The following TMEM267 variants were observed in gnomAD, a reference collection of about 807,000 sequenced individuals.
TMEM267 encodes the protein transmembrane protein C5orf28.
Under a neutral mutation model 19.3 loss-of-function variants are expected in TMEM267, and 20 were observed. The ratio of observed to expected loss-of-function variants is 1.04; its 90% CI spans 0.73 to 1.51. The LOEUF (loss-of-function observed/expected upper bound fraction) is 1.51. Ranked by LOEUF, TMEM267 falls within the 40% of genes most tolerant of loss-of-function variation. The probability of loss-of-function intolerance (pLI) is 0.00; values close to 1 mark genes in which losing one functional copy is unlikely to be tolerated. For synonymous variants in TMEM267, 88 were observed against 90.3 expected (o/e 0.97, Z 0.15); for missense variants, 242 against 261.9 (o/e 0.92, Z 0.52).
At chr5:43,449,057 T>C (rs796181422) in intron 2 of TMEM267, among the ~76,000 whole-genome samples, 11 of 152,058 alleles carry the variant, frequency 7.2e-5, no homozygotes, top group African/African-American at 2.6e-4. Context: ...TATATAGCAA[T>C]GTATCCAAGG....
At position 43,463,523 on chromosome 5, in the gene TMEM267, T is replaced by C. The variant is rs527285903; in HGVS notation, c.-74-9480A>G. Among the ~76,000 whole-genome samples, 536 of 152,210 alleles carry C rather than the reference T, an allele frequency of 3.5e-3. 1 individual carries two copies. Among genetic ancestry groups the C allele is most frequent in the Non-Finnish European group, 5.1e-3 (350 of 68,010 alleles). The stretch of plus-strand genomic sequence containing the variant: ...TTAGACCAATATCCTTGATGAACAT[T>C]GATACAAAAATCCTCAATAAAATAC... On this transcript the variant is annotated intron_variant, in intron 1 of 2. Transcript: ENST00000397080.
chr5:43,467,170 A>C (rs892359094), intron 1 of TMEM267, among the ~76,000 whole-genome samples: 6 of 148,652 alleles, frequency 4.0e-5, no homozygotes, highest in African/African-American at 1.5e-4. Context: ...AAAAAAAAAG[A>C]AGGAAGAAAA....
rs1280951553 is a variant in TMEM267 at position 43,446,363 on chromosome 5, T to G, written c.507A>C (p.Pro169=). 6.2e-7 allele frequency: 1 copy of G among 1,614,152 alleles called. No individual in the cohort carries two copies. Among genetic ancestry groups the G allele is most frequent in the Admixed American group, 1.7e-5 (1 of 60,026 alleles). Reference sequence around the variant, plus strand: ...ATGGCAAAGGAGAAGTTTTTCCAAATGGGCATATCCACAAACCATGACGAA... The same window carrying G: ...ATGGCAAAGGAGAAGTTTTTCCAAAGGGGCATATCCACAAACCATGACGAA... The part of the protein sequence containing the change: ...DGIRHGLWIC[P]FGKTSPLPFW... Residue 169 remains proline, a synonymous_variant, in exon 3 of 3, where the codon CCA becomes CCC. Transcript: ENST00000397080.
At chr5:43,460,253 C>CTGGA (rs1314172885) in intron 1 of TMEM267, among the ~76,000 whole-genome samples, 1 of 152,122 alleles carries the variant, frequency 6.6e-6, no homozygotes, top group African/African-American at 2.4e-5. Flanking sequence ...GCTTTGCGGC[C>CTGGA]TGGATCCTAA....
chr5:43,473,124 C>T (rs556700173), intron 1 of TMEM267, among the ~76,000 whole-genome samples: 55 of 114,020 alleles, frequency 4.8e-4, no homozygotes, highest in South Asian at 1.9e-3. Context: ...GACTACAGAG[C>T]GAGACTCCGT....
At chr5:43,474,866 G>A (rs1395533032) in intron 1 of TMEM267, among the ~76,000 whole-genome samples, 1 of 151,830 alleles carries the variant, frequency 6.6e-6, no homozygotes, top group Non-Finnish European at 1.5e-5. Context: ...TCATTAAAAA[G>A]TCAGGAAACA....
In TMEM267 at chr5:43,480,296, T is replaced by C. The variant is rs181801447; in HGVS notation, c.-75+3526A>G. ...AAGCTCTGCTGCCACTCAATCTTTG[T>C]TTATATATTATCACAAATTTTCTTT... is the stretch of plus-strand genomic sequence containing the variant. On this transcript the variant is annotated intron_variant, in intron 1 of 2. Coordinates refer to ENST00000397080, the MANE Select transcript of TMEM267 (RefSeq NM_022483.5). 6.3e-4 allele frequency among the ~76,000 whole-genome samples: 96 copies of C among 152,172 alleles called. 1 individual carries two copies. Among genetic ancestry groups the C allele is most frequent in the African/African-American group, 9.4e-4 (39 of 41,548 alleles).
intron 1 of TMEM267, among the ~76,000 whole-genome samples, chr5:43,464,994 G>C (rs1171591635): frequency 1.3e-5 from 2 of 152,106 alleles, no homozygotes; most frequent in East Asian, 1.9e-4. Flanking sequence ...CACAGCAAAA[G>C]AAACTACCAT....
Position 43,453,701 on chromosome 5 carries a change from A to G in TMEM267, c.269T>C (p.Ile90Thr). The change falls in exon 2 of 3, where the codon ATT becomes ACT. Residue 90 changes from isoleucine (I) to threonine (T), a missense_variant. Physicochemically the swap from Ile to Thr is moderately conservative, Grantham distance 89. Coordinates refer to ENST00000397080, the MANE Select transcript of TMEM267 (RefSeq NM_022483.5). ...IILAGFLASV[I>T]DVDHFFLAGS... ...AGCTAGAAAAAAGTGGTCTACATCA[A>G]TAACAGAGGCTAAAAATCCAGCTAA... 1 of 1,614,128 alleles carries G rather than the reference A, an allele frequency of 6.2e-7. No individual in the cohort carries two copies. Among genetic ancestry groups the G allele is most frequent in the Non-Finnish European group, 8.5e-7 (1 of 1,179,976 alleles).
intron 2 of TMEM267, among the ~76,000 whole-genome samples, chr5:43,450,316 AC>A: frequency 6.6e-6 from 1 of 152,170 alleles, no homozygotes; most frequent in Non-Finnish European, 1.5e-5. Flanking sequence ...TAATAGAAAA[AC>A]AATGAATAAT....
intron 1 of TMEM267, among the ~76,000 whole-genome samples, chr5:43,480,561 G>A (rs1744696656): frequency 6.6e-6 from 1 of 151,498 alleles, no homozygotes; most frequent in African/African-American, 2.4e-5. Context: ...GGCCTCAAGT[G>A]TTCCTCCTGT....
chr5:43,470,505 T>C (rs1004295401), intron 1 of TMEM267, among the ~76,000 whole-genome samples: 3 of 152,210 alleles, frequency 2.0e-5, no homozygotes, highest in African/African-American at 7.2e-5. Context: ...AAAAGCAAGC[T>C]GTACCCTGAT....
chr5:43,447,045 A>G (rs1053862013), intron 2 of TMEM267, among the ~76,000 whole-genome samples: 1 of 151,856 alleles, frequency 6.6e-6, no homozygotes, highest in African/African-American at 2.4e-5. Flanking sequence ...GAAAAATTAT[A>G]TTATTTTAAA....
At chr5:43,459,212 G>C (rs1743117228) in intron 1 of TMEM267, among the ~76,000 whole-genome samples, 1 of 152,040 alleles carries the variant, frequency 6.6e-6, no homozygotes, top group South Asian at 2.1e-4. Context: ...GATTTTGGGG[G>C]GTAGGGGAAA....
intron 1 of TMEM267, among the ~76,000 whole-genome samples, chr5:43,460,980 C>T (rs552689283): frequency 6.6e-6 from 1 of 152,308 alleles, no homozygotes; most frequent in South Asian, 2.1e-4. Flanking sequence ...CATACTGAGA[C>T]CAAAGTTGGG....
chr5:43,466,682 CAG>C (rs1743700625), intron 1 of TMEM267, among the ~76,000 whole-genome samples: 1 of 152,166 alleles, frequency 6.6e-6, no homozygotes, highest in African/African-American at 2.4e-5. Context: ...TTTGTTTACA[CAG>C]ACAGTGTTAA....
intron 1 of TMEM267, among the ~76,000 whole-genome samples, chr5:43,457,471 C>T (rs1434720993): frequency 6.6e-6 from 1 of 152,126 alleles, no homozygotes; most frequent in Non-Finnish European, 1.5e-5. Context: ...AGGAAACTTA[C>T]AATCATGGTG....
At chr5:43,480,415 GCAATTCTCCTGACTC>G (rs1308220675) in intron 1 of TMEM267, among the ~76,000 whole-genome samples, 1 of 152,072 alleles carries the variant, frequency 6.6e-6, no homozygotes, top group Non-Finnish European at 1.5e-5. Flanking sequence ...CTAGGCTCAA[GCAATTCTCCTGACTC>G]AGTCTCCTGA....
intron 1 of TMEM267, among the ~76,000 whole-genome samples, chr5:43,467,168 AGAAG>A: frequency 6.7e-6 from 1 of 149,588 alleles, no homozygotes; most frequent in East Asian, 2.0e-4. Flanking sequence ...AAAAAAAAAA[AGAAG>A]GAAGAAAAGA....
Sources: allele counts gnomAD v4.1 joint callset (sites outside exome capture counted in the v4.1 genomes callset), GRCh38; gene constraint gnomAD v4.1.1; transcripts MANE v1.5; gene names NCBI Gene and HGNC (gene_info 2026-07-23, HGNC 2026-07-21).